The following GUCA1C variants were observed in gnomAD, a reference collection of about 807,000 sequenced individuals.
The protein encoded by GUCA1C is guanylate cyclase activator 1C, also known as guanylyl cyclase-activating protein 3.
A neutral mutation model predicts 16.2 loss-of-function variants in GUCA1C; 15 were observed. The ratio of observed to expected loss-of-function variants is 0.93; its 90% confidence interval spans 0.62 to 1.43. The LOEUF (loss-of-function observed/expected upper bound fraction) is 1.43, where lower values mean the gene tolerates loss of function less well. Ranked by LOEUF, GUCA1C falls within the 40% of genes most tolerant of loss-of-function variation. GUCA1C has a pLI of 0.00. For synonymous variants in GUCA1C, 78 were observed against 85.4 expected, an observed-to-expected ratio of 0.91 and a Z score of 0.48; for missense variants, 275 against 244.8, an observed-to-expected ratio of 1.12 and a Z score of -0.82.
At chr3:108,952,767 T>G (rs375051349) in intron 1 of GUCA1C, among the ~76,000 whole-genome samples, 1 of 152,270 alleles carries the variant, frequency 6.6e-6, no homozygotes, top group East Asian at 1.9e-4. Context: ...TATCTACACA[T>G]TTTGAAATAT....
At chr3:108,920,835 T>C (rs1343786652) in intron 1 of GUCA1C, among the ~76,000 whole-genome samples, 3 of 152,160 alleles carry the variant, frequency 2.0e-5, no homozygotes, top group African/African-American at 7.2e-5. Context: ...CACAGCAAAA[T>C]TGAATGGAAG....
intron 1 of GUCA1C, among the ~76,000 whole-genome samples, chr3:108,934,932 G>C (rs984538706): frequency 6.8e-6 from 1 of 146,028 alleles, no homozygotes; most frequent in African/African-American, 2.5e-5. Context: ...TCCTGCCTCA[G>C]CCTCCCGAGT....
At chr3:108,909,027 C>G (rs373450040) in intron 3 of GUCA1C, among the ~76,000 whole-genome samples, 85 of 152,226 alleles carry the variant, frequency 5.6e-4, no homozygotes, top group African/African-American at 1.8e-3. Flanking sequence ...GGAGTGCATT[C>G]AAGAACTGGA....
Position 108,907,911 on chromosome 3 carries a change from A to G in GUCA1C, c.*111T>C. 1 of 729,358 alleles carries G rather than the reference A, an allele frequency of 1.4e-6. No homozygotes were observed. The highest frequency in any genetic ancestry group is 2.6e-5 in the East Asian group (1 of 37,816). The allele number at this position is 729,358 out of a possible 1,614,324, so 45.2% of individuals were successfully genotyped here. On this transcript the variant is annotated 3_prime_UTR_variant, in exon 4 of 4. Transcript: ENST00000261047. The stretch of plus-strand genomic sequence containing the variant: ...AAATAAGTGCTATATTCACAAGCCT[A>G]TATGAATTATAACAAAGACCTGAAA...
chr3:108,943,955 T>TC lies in GUCA1C; in HGVS notation c.204+9603_204+9604insG, dbSNP rs1269690232. The stretch of plus-strand genomic sequence containing the variant: ...CCAGGTCACTCCACCTGTACCCCAA[T>TC]AACTTATAGAAAAAATTTTTAATTA... On this transcript the variant is annotated intron_variant, in intron 1 of 3. Coordinates refer to ENST00000261047, the MANE Select transcript of GUCA1C (RefSeq NM_005459.4). Among the ~76,000 whole-genome samples the TC allele has an allele frequency of 3.3e-5, 5 of 152,060 alleles. No individual in the cohort carries two copies. In the East Asian group the frequency reaches 9.6e-4, roughly 29 times the overall value.
At position 108,908,056 on chromosome 3, in the gene GUCA1C, TC is replaced by T; in HGVS notation, c.595del (p.Asp199ThrfsTer5). The T allele has an allele frequency of 6.2e-7, 1 of 1,613,894 alleles. No individual in the cohort carries two copies. Among genetic ancestry groups the T allele is most frequent in the East Asian group, 2.2e-5 (1 of 44,866 alleles). On this transcript the variant is annotated frameshift_variant, in exon 4 of 4. Transcript: ENST00000261047. LOFTEE classifies it low-confidence loss of function (END_TRUNC). ...DMETDSSKSP[D>X]KAGLGKVKMK is the part of the protein sequence containing the mutation. ...TTTCACCTTCCCTAGACCAGCCTTG[TC>T]AGGAGATTTGGAGGAGTCTGTCTCC...
At chr3:108,919,399 T>C (rs1476612309) in intron 2 of GUCA1C, among the ~76,000 whole-genome samples, 1 of 152,178 alleles carries the variant, frequency 6.6e-6, no homozygotes, top group African/African-American at 2.4e-5. Flanking sequence ...GTATTCTCTA[T>C]AGAATATTTG....
intron 3 of GUCA1C, among the ~76,000 whole-genome samples, chr3:108,913,279 A>T (rs1043984950): frequency 1.3e-4 from 19 of 151,880 alleles, no homozygotes; most frequent in Non-Finnish European, 2.4e-4. Context: ...ATTTTGGTAT[A>T]CTTAATTGAG....
intron 2 of GUCA1C, among the ~76,000 whole-genome samples, chr3:108,917,510 A>G (rs1946529639): frequency 6.6e-6 from 1 of 151,436 alleles, no homozygotes; most frequent in Non-Finnish European, 1.5e-5. Context: ...TTCCTTCCTC[A>G]TTTACTATAT....
At chr3:108,920,662 T>A (rs1177361437) in intron 1 of GUCA1C, 77 bp from the exon 2 acceptor site, 1 of 771,240 alleles carries the variant, frequency 1.3e-6, no homozygotes, top group African/African-American at 1.8e-5. Context: ...TCAGCATTCG[T>A]GAGCAGGGCC....
At chr3:108,927,257 G>C (rs746859048) in intron 1 of GUCA1C, among the ~76,000 whole-genome samples, 4 of 152,136 alleles carry the variant, frequency 2.6e-5, no homozygotes, top group Non-Finnish European at 4.4e-5. Context: ...TGAGCCTCTT[G>C]TATTTGGATA....
intron 1 of GUCA1C, among the ~76,000 whole-genome samples, chr3:108,930,177 G>C (rs550277004): frequency 6.6e-6 from 1 of 152,162 alleles, no homozygotes; most frequent in Non-Finnish European, 1.5e-5. Context: ...TGATGCTAAC[G>C]GTGGCATATC....
intron 3 of GUCA1C, among the ~76,000 whole-genome samples, chr3:108,910,801 C>T (rs1428544667): frequency 6.6e-6 from 1 of 151,728 alleles, no homozygotes; most frequent in African/African-American, 2.4e-5. Flanking sequence ...AGGCGCCCAC[C>T]ACCACACCTG....
intron 1 of GUCA1C, among the ~76,000 whole-genome samples, chr3:108,952,994 C>CA (rs1002471343): frequency 5.3e-5 from 8 of 151,736 alleles, no homozygotes; most frequent in African/African-American, 1.9e-4. Context: ...TCTTTAGAAA[C>CA]AAAAATTTGT....
chr3:108,936,547 AC>A (rs1946729636), intron 1 of GUCA1C, among the ~76,000 whole-genome samples: 1 of 152,200 alleles, frequency 6.6e-6, no homozygotes, highest in African/African-American at 2.4e-5. Context: ...CCAGTCAGCC[AC>A]ACTCTTAAAG....
At chr3:108,919,231 C>G (rs531865830) in intron 2 of GUCA1C, among the ~76,000 whole-genome samples, 3 of 151,356 alleles carry the variant, frequency 2.0e-5, no homozygotes, top group African/African-American at 7.3e-5. Flanking sequence ...CTTTTTTTCC[C>G]TTTCTAAGTT....
chr3:108,953,089 TTTTGA>T (rs1395841051), intron 1 of GUCA1C, among the ~76,000 whole-genome samples: 2 of 152,196 alleles, frequency 1.3e-5, no homozygotes, highest in Non-Finnish European at 2.9e-5. Context: ...GCAGTTTAAC[TTTTGA>T]TTTGAGTACA....
intron 1 of GUCA1C, among the ~76,000 whole-genome samples, chr3:108,927,504 T>A (rs34559008): frequency 6.6e-6 from 1 of 151,694 alleles, no homozygotes. Context: ...TAAAGTTCTT[T>A]CTTATGCTTA....
At chr3:108,939,909 T>G (rs1946768909) in intron 1 of GUCA1C, among the ~76,000 whole-genome samples, 1 of 152,186 alleles carries the variant, frequency 6.6e-6, no homozygotes, top group South Asian at 2.1e-4. Flanking sequence ...TTTAATAATG[T>G]CTCTAGGTGC....
Sources: allele counts gnomAD v4.1 joint callset (sites outside exome capture counted in the v4.1 genomes callset), GRCh38; gene constraint gnomAD v4.1.1; transcripts MANE v1.5; gene names NCBI Gene and HGNC (gene_info 2026-07-23, HGNC 2026-07-21).